ZNF716: variants seen among roughly 807,000 people sequenced by gnomAD.
ZNF716 encodes the protein zinc finger protein 716.
A neutral mutation model predicts 13.4 loss-of-function variants in ZNF716; 9 were observed. That is an observed-to-expected ratio of 0.67 (90% CI 0.41 to 1.18). ZNF716 has a LOEUF of 1.18. ZNF716 is among the 50% of genes most tolerant of loss of function. The pLI is 0.01. For synonymous variants in ZNF716, 186 were observed against 195.2 expected (o/e 0.95, Z 0.39); for missense variants, 581 against 576.6 (o/e 1.01, Z -0.08).
intron 3 of ZNF716, among the ~76,000 whole-genome samples, chr7:57,464,964 ATTG>A (rs1562678035): frequency 1.3e-5 from 2 of 152,104 alleles, no homozygotes; most frequent in African/African-American, 4.8e-5. Context: ...CCACATAGTT[ATTG>A]TTGTTGCAGC....
chr7:57,469,109 A>G lies in ZNF716; in HGVS notation c.648A>G (p.Glu216=), dbSNP rs1789869597. 4 of 1,608,492 alleles carry G rather than the reference A, an allele frequency of 2.5e-6. No individual in the cohort carries two copies. Among genetic ancestry groups the G allele is most frequent in the African/African-American group, 2.7e-5 (2 of 74,808 alleles). Residue 216 remains glutamate (E), a synonymous_variant, in exon 4 of 4, where the codon GAA becomes GAG. Transcript: ENST00000420713. ...IHTREKSYKC[E]ECGKSFNCSS... is the part of the protein sequence containing the mutation. ...CTAGGGAGAAGTCTTACAAATGTGA[A>G]GAATGTGGCAAATCCTTTAACTGCT...
At chr7:57,459,362 G>C (rs577640647) in intron 1 of ZNF716, among the ~76,000 whole-genome samples, 1 of 145,052 alleles carries the variant, frequency 6.9e-6, no homozygotes, top group Non-Finnish European at 1.5e-5. Context: ...GCTGTCTTCT[G>C]TTGTCTCTGT....
Position 57,469,371 on chromosome 7 carries a change from G to A in ZNF716, c.910G>A (p.Ala304Thr), listed in dbSNP as rs782641565. ...CTACACATGTGAAGAATGTGGCAAA[G>A]CCTTTAGCCGCTCTTCAACACTTAC... ...KPYTCEECGK[A>T]FSRSSTLTNH... The change falls in exon 4 of 4, where the codon GCC becomes ACC. Residue 304 changes from alanine (A) to threonine (T), a missense_variant. Physicochemically the swap from Ala to Thr is moderately conservative, Grantham distance 58. Coordinates refer to ENST00000420713, the MANE Select transcript of ZNF716 (RefSeq NM_001159279.1). 4 of 1,613,156 alleles carry A rather than the reference G, an allele frequency of 2.5e-6. No individual in the cohort carries two copies. Among genetic ancestry groups the A allele is most frequent in the Admixed American group, 3.3e-5 (2 of 59,880 alleles).
rs1414159244 is a variant in ZNF716 at position 57,472,242 on chromosome 7, G to A, written c.*2293G>A. ...GTTCAGAGTAATATTCTAAATTCTA[G>A]TGAGGAAAACCTTTGAACGTCAGTA... is the stretch of plus-strand genomic sequence containing the variant. On this transcript the variant is annotated 3_prime_UTR_variant, in exon 4 of 4. Coordinates refer to ENST00000420713, the MANE Select transcript of ZNF716 (RefSeq NM_001159279.1). The A allele has an allele frequency of 2.0e-5, 3 of 152,182 alleles. No homozygotes were observed. The highest frequency in any genetic ancestry group is 7.2e-5 in the African/African-American group (3 of 41,438). 9.4% of individuals were successfully genotyped at this position (152,182 alleles called of 1,614,324 possible).
intron 1 of ZNF716, among the ~76,000 whole-genome samples, chr7:57,454,310 G>A (rs1313461150): frequency 6.6e-6 from 1 of 152,198 alleles, no homozygotes; most frequent in Non-Finnish European, 1.5e-5. Flanking sequence ...GCTATAAAAT[G>A]TAAGCACCTT....
At chr7:57,461,789 CT>C (rs1554323139) in intron 1 of ZNF716, among the ~76,000 whole-genome samples, 1 of 152,116 alleles carries the variant, frequency 6.6e-6, no homozygotes, top group Non-Finnish European at 1.5e-5. Context: ...TAAGAGGAAC[CT>C]TCCAACTCAT....
At position 57,468,849 on chromosome 7, in the gene ZNF716, A is replaced by G. The variant is rs373978357; in HGVS notation, c.388A>G (p.Lys130Glu). ...QEDLQVKKCC[K>E]SVGECEVHKG... ...GGATTTACAAGTAAAAAAATGCTGTAAAAGTGTAGGTGAGTGTGAGGTGCA... is the reference window on the plus strand; with the variant it reads ...GGATTTACAAGTAAAAAAATGCTGTGAAAGTGTAGGTGAGTGTGAGGTGCA... The change falls in exon 4 of 4, where the codon AAA (lysine) becomes GAA (glutamate). Residue 130 changes from lysine (K) to glutamate (E), a missense_variant. Coordinates refer to ENST00000420713, the MANE Select transcript of ZNF716 (RefSeq NM_001159279.1). 17 of 1,613,650 alleles carry G rather than the reference A, an allele frequency of 1.1e-5. No homozygotes were observed. The highest frequency in any genetic ancestry group is 1.4e-5 in the Non-Finnish European group (16 of 1,179,870).
chr7:57,465,616 C>T (rs1554323936), intron 3 of ZNF716, among the ~76,000 whole-genome samples: 5 of 152,194 alleles, frequency 3.3e-5, no homozygotes. Flanking sequence ...TCTCAAAGTG[C>T]TGGGATTACA....
intron 3 of ZNF716, among the ~76,000 whole-genome samples, chr7:57,465,935 A>C (rs1231699516): frequency 2.0e-5 from 3 of 152,124 alleles, no homozygotes; most frequent in African/African-American, 7.2e-5. Context: ...TCGCAAGAAC[A>C]AAAAACCAAA....
At chr7:57,468,671 A>G (rs1461469513) in intron 3 of ZNF716, 53 bp from the exon 4 acceptor site, 15 of 1,534,778 alleles carry the variant, frequency 9.8e-6, no homozygotes, top group South Asian at 1.3e-5. Context: ...TTTGCAAAAT[A>G]TATTTATCTG....
chr7:57,469,159 G>C lies in ZNF716; in HGVS notation c.698G>C (p.Arg233Thr). ...NCSSTLTRHKRIHTGEKPYRC... is the reference protein window; with the variant it reads ...NCSSTLTRHKTIHTGEKPYRC... ...TCTTCAACCCTTACTAGACATAAAAGAATTCATACTGGAGAGAAACCCTAC... is the reference window on the plus strand; with the variant it reads ...TCTTCAACCCTTACTAGACATAAAACAATTCATACTGGAGAGAAACCCTAC... The change falls in exon 4 of 4, where the codon AGA becomes ACA. Residue 233 changes from arginine (R) to threonine (T), a missense_variant. Arg to Thr is a moderately conservative substitution (Grantham distance 71). Transcript: ENST00000420713. The C allele has an allele frequency of 6.2e-7, 1 of 1,611,868 alleles. No homozygotes were observed. The highest frequency in any genetic ancestry group is 8.5e-7 in the Non-Finnish European group (1 of 1,178,846).
At chr7:57,466,533 C>T (rs563457226) in intron 3 of ZNF716, among the ~76,000 whole-genome samples, 3 of 152,254 alleles carry the variant, frequency 2.0e-5, no homozygotes, top group East Asian at 1.9e-4. Flanking sequence ...ACCTCACACT[C>T]GCATCATCTT....
rs964644375 is a variant in ZNF716 at position 57,450,317 on chromosome 7, G to A, written c.29G>A (p.Ser10Asn). Residue 10 changes from serine (S) to asparagine (N), a missense_variant, in exon 1 of 4, where the codon AGC becomes AAC. Coordinates refer to ENST00000420713, the MANE Select transcript of ZNF716 (RefSeq NM_001159279.1). ...GCTAAAAGACCGGGACCCCCTGGAA[G>A]CCGAGAAATGGTGAGTGCTGGGTCT... The part of the protein sequence containing the change: MAKRPGPPG[S>N]REMGLLTFRD... 8.1e-6 allele frequency: 13 copies of A among 1,613,862 alleles called. No homozygotes were observed. The African/African-American group carries it at 1.3e-4, about 17-fold the overall frequency.
chr7:57,451,806 G>C (rs527725348), intron 1 of ZNF716, among the ~76,000 whole-genome samples: 1 of 149,784 alleles, frequency 6.7e-6, no homozygotes, highest in Admixed American at 6.7e-5. Flanking sequence ...TCACTCTGTG[G>C]CCCAGGCTGG....
At chr7:57,450,953 A>C (rs1436134732) in intron 1 of ZNF716, among the ~76,000 whole-genome samples, 1 of 152,152 alleles carries the variant, frequency 6.6e-6, no homozygotes, top group Non-Finnish European at 1.5e-5. Context: ...TTATGTCATC[A>C]GAGATTAATT....
At chr7:57,452,677 A>G (rs1446786562) in intron 1 of ZNF716, among the ~76,000 whole-genome samples, 1 of 152,096 alleles carries the variant, frequency 6.6e-6, no homozygotes, top group Admixed American at 6.6e-5. Context: ...AGCCTCTGAC[A>G]CTGTATTGTA....
intron 1 of ZNF716, among the ~76,000 whole-genome samples, chr7:57,451,273 C>A (rs1332664004): frequency 6.6e-6 from 1 of 151,690 alleles, no homozygotes; most frequent in African/African-American, 2.4e-5. Context: ...CCTTGGCCTC[C>A]GAAAGTGCTG....
intron 3 of ZNF716, among the ~76,000 whole-genome samples, chr7:57,463,676 G>GTATT (rs201670601): frequency 5.9e-5 from 9 of 151,526 alleles, no homozygotes; most frequent in Non-Finnish European, 1.2e-4. Context: ...TTTTATCCAT[G>GTATT]TATTTATTTA....
At chr7:57,464,690 ATT>A (rs1397396877) in intron 3 of ZNF716, among the ~76,000 whole-genome samples, 1 of 148,802 alleles carries the variant, frequency 6.7e-6, no homozygotes, top group Non-Finnish European at 1.5e-5. Flanking sequence ...TTTCCACTAT[ATT>A]TTTTTTCTAA....
Sources: gnomAD v4.1 joint callset for allele counts (sites outside exome capture counted in the v4.1 genomes callset) on GRCh38, gnomAD v4.1.1 for gene constraint, MANE v1.5 for transcripts, NCBI Gene and HGNC (gene_info 2026-07-23, HGNC 2026-07-21) for gene names.